The following CES5A variants were observed in gnomAD, a reference collection of about 807,000 sequenced individuals.
The protein encoded by CES5A is carboxylesterase 5.
Under a neutral mutation model 62.9 loss-of-function variants are expected in CES5A, and 67 were observed. That is an observed-to-expected ratio of 1.07 (90% CI 0.88 to 1.31). The LOEUF (loss-of-function observed/expected upper bound fraction) is 1.31. Ranked by LOEUF, CES5A falls within the 50% of genes most tolerant of loss-of-function variation. The pLI, the probability that CES5A is intolerant of heterozygous loss-of-function variation, is 0.00. For synonymous variants in CES5A, 296 were observed against 280.8 expected (o/e 1.05, Z -0.54); for missense variants, 748 against 708.5 (o/e 1.06, Z -0.63).
intron 7 of CES5A, among the ~76,000 whole-genome samples, chr16:55,860,975 A>C (rs2033339599): frequency 6.6e-6 from 1 of 152,184 alleles, no homozygotes; most frequent in Non-Finnish European, 1.5e-5. Context: ...GAATACCTGG[A>C]GAGGTGGGCA....
intron 2 of CES5A, among the ~76,000 whole-genome samples, chr16:55,945,451 G>A (rs992392379): frequency 6.6e-6 from 1 of 152,238 alleles, no homozygotes; most frequent in Admixed American, 6.5e-5. Context: ...GGGACCAGCA[G>A]ACCTGCAGAC....
intron 1 of CES5A, among the ~76,000 whole-genome samples, chr16:55,903,569 AG>A (rs1226058051): frequency 6.6e-6 from 1 of 152,208 alleles, no homozygotes; most frequent in Non-Finnish European, 1.5e-5. Flanking sequence ...CCCAATCCAC[AG>A]GGATATAATG....
At chr16:55,906,879 T>G (rs1187714046) in intron 1 of CES5A, among the ~76,000 whole-genome samples, 1 of 152,200 alleles carries the variant, frequency 6.6e-6, no homozygotes, top group Non-Finnish European at 1.5e-5. Context: ...CTGGGTCAGA[T>G]GAATCGACAG....
chr16:55,870,190 G>A (rs2033554719), intron 3 of CES5A, among the ~76,000 whole-genome samples: 1 of 152,112 alleles, frequency 6.6e-6, no homozygotes, highest in Admixed American at 6.5e-5. Flanking sequence ...TGTAAGCCAT[G>A]TATAAGAGCA....
intron 1 of CES5A, among the ~76,000 whole-genome samples, chr16:55,951,174 GAGAAAAT>G (rs1220961584): frequency 7.6e-6 from 1 of 131,850 alleles, no homozygotes; most frequent in Non-Finnish European, 1.6e-5. Flanking sequence ...CAAGGAAGAA[GAGAAAAT>G]TCTTCCAACG....
At chr16:55,917,736 T>C (rs1364111621) in intron 1 of CES5A, among the ~76,000 whole-genome samples, 1 of 152,068 alleles carries the variant, frequency 6.6e-6, no homozygotes, top group Admixed American at 6.6e-5. Flanking sequence ...AAGTGAGTCA[T>C]TAAATCCAGC....
intron 1 of CES5A, among the ~76,000 whole-genome samples, chr16:55,874,931 C>A (rs940669602): frequency 2.6e-5 from 4 of 152,200 alleles, no homozygotes; most frequent in Non-Finnish European, 5.9e-5. Context: ...TGTGAGCAAC[C>A]CAAAGGCAGA....
rs2033940955 is a variant in CES5A, at chr16:55,897,005, G to C, written c.-255-22968C>G. Among the ~76,000 whole-genome samples, 4 of 152,088 alleles carry C rather than the reference G, an allele frequency of 2.6e-5. No individual in the cohort carries two copies. The South Asian group carries it at 8.3e-4, about 31-fold the overall frequency. The stretch of plus-strand genomic sequence containing the variant: ...CAAATGTAGATTTTCTGTCATTTGG[G>C]AACCACAGGAGTATTTCTGCACCCC... On this transcript the variant is annotated intron_variant, in intron 1 of 12. Transcript: ENST00000518005.
chr16:55,955,948 C>T, exon 1 of CES5A: 1 of 1,496,206 alleles, frequency 6.7e-7, no homozygotes, highest in Non-Finnish European at 9.0e-7. Flanking sequence ...CACAGAGCCC[C>T]AGTCCTCTTG....
At chr16:55,955,877 A>C in exon 1 of CES5A, 3 of 1,536,098 alleles carry the variant, frequency 2.0e-6, no homozygotes, top group Non-Finnish European at 2.6e-6. Context: ...GGCAAACCAG[A>C]ACAGCCATCA....
chr16:55,911,990 A>T (rs1443276630), intron 1 of CES5A, among the ~76,000 whole-genome samples: 1 of 152,214 alleles, frequency 6.6e-6, no homozygotes, highest in Non-Finnish European at 1.5e-5. Flanking sequence ...TAAATAGAAA[A>T]TCTACCAAGC....
rs181862229 is a variant in CES5A at position 55,904,252 on chromosome 16, C to T, written c.-256+21071G>A. 7.9e-3 allele frequency among the ~76,000 whole-genome samples: 1,210 copies of T among 152,286 alleles called. 11 individuals are homozygous for T. Among genetic ancestry groups the T allele is most frequent in the Non-Finnish European group, 0.014 (956 of 68,026 alleles). ...CCAGTTCAACTCACTGTGGTTTCACCGGGATTTGGGGCCAAAGCCAAGGCT... is the reference window on the plus strand; with the variant it reads ...CCAGTTCAACTCACTGTGGTTTCACTGGGATTTGGGGCCAAAGCCAAGGCT... On this transcript the variant is annotated intron_variant, in intron 1 of 12. Coordinates refer to the CES5A transcript ENST00000518005.
Position 55,875,301 on chromosome 16 carries a change from T to C in CES5A, c.-80A>G. The stretch of plus-strand genomic sequence containing the variant: ...GCTTCAGTTGGGAGCCAGAAAGAGC[T>C]TCCTGTTAACAGGCAAATGCTGAAT... On this transcript the variant is annotated 5_prime_UTR_variant, in exon 1 of 13. Transcript: ENST00000290567. 6.4e-7 allele frequency: 1 copy of C among 1,572,756 alleles called. No homozygotes were observed. Among genetic ancestry groups the C allele is most frequent in the Non-Finnish European group, 8.6e-7 (1 of 1,162,366 alleles).
chr16:55,875,381 A>C, upstream of CES5A: 1 of 1,422,846 alleles, frequency 7.0e-7, no homozygotes, highest in Non-Finnish European at 9.2e-7. Flanking sequence ...AATATTCTCA[A>C]AGGAATTGAC....
At position 55,846,802 on chromosome 16, in the gene CES5A, T is replaced by A; in HGVS notation, c.1462A>T (p.Met488Leu). ...TEEEKLLSRK[M>L]MKYWATFART... is the part of the protein sequence containing the mutation. ...GCAAAGGTAGCCCAGTATTTCATCA[T>A]CTTCCGGCTCAGTAACTTCTCCTCC... Residue 488 changes from methionine (M) to leucine (L), a missense_variant, in exon 12 of 13, where the codon ATG becomes TTG. By Grantham distance (15) the Met-to-Leu change is conservative (BLOSUM62 2). Transcript: ENST00000290567. The A allele has an allele frequency of 6.2e-7, 1 of 1,614,156 alleles. No homozygotes were observed. Among genetic ancestry groups the A allele is most frequent in the South Asian group, 1.1e-5 (1 of 91,084 alleles).
chr16:55,931,132 G>A (rs1291850791), intron 2 of CES5A, among the ~76,000 whole-genome samples: 1 of 152,210 alleles, frequency 6.6e-6, no homozygotes, highest in Non-Finnish European at 1.5e-5. Flanking sequence ...TTGACTCCTA[G>A]TCCAGTGCTT....
rs1418186497 is a variant in CES5A, at chr16:55,945,001, T to C, written c.160+4784A>G. ...TGCTTCTCACTTGCTATATGCGTGATTTGAACCGGTCACTCAAGTTTTCTC... is the reference window on the plus strand; with the variant it reads ...TGCTTCTCACTTGCTATATGCGTGACTTGAACCGGTCACTCAAGTTTTCTC... On this transcript the variant is annotated intron_variant, in intron 2 of 13. Coordinates refer to the CES5A transcript ENST00000521992. Among the ~76,000 whole-genome samples, 5 of 152,328 alleles carry C rather than the reference T, an allele frequency of 3.3e-5. No homozygotes were observed. In the East Asian group the frequency reaches 9.6e-4, roughly 29 times the overall value.
intron 3 of CES5A, among the ~76,000 whole-genome samples, chr16:55,870,610 A>G (rs2033562446): frequency 6.6e-6 from 1 of 151,908 alleles, no homozygotes; most frequent in Non-Finnish European, 1.5e-5. Context: ...AGGCACAGGA[A>G]TCCCTTGAGC....
chr16:55,871,514 C>A, intron 3 of CES5A, 111 bp downstream of exon 3: 1 of 1,205,378 alleles, frequency 8.3e-7, no homozygotes, highest in Non-Finnish European at 1.2e-6. Flanking sequence ...ATTACATTTC[C>A]CTTTTACCCA....
Sources: gnomAD v4.1 joint callset for allele counts (sites outside exome capture counted in the v4.1 genomes callset) on GRCh38, gnomAD v4.1.1 for gene constraint, MANE v1.5 for transcripts, NCBI Gene and HGNC (gene_info 2026-07-23, HGNC 2026-07-21) for gene names.